The following RNF217 variants were observed in gnomAD, a reference collection of about 807,000 sequenced individuals.
The protein encoded by RNF217 is E3 ubiquitin-protein ligase RNF217.
RNF217 carries 31 observed loss-of-function variants against 57.8 expected under a neutral mutation model. The observed-to-expected ratio is 0.54, with a 90% CI of 0.40 to 0.72. The LOEUF (loss-of-function observed/expected upper bound fraction) is 0.72, where lower values mean the gene tolerates loss of function less well. Ranked by LOEUF, RNF217 falls within the 30% of genes least tolerant of loss-of-function variation. The pLI is 0.00. For synonymous variants in RNF217, 313 were observed against 294.0 expected (o/e 1.06, Z -0.66); for missense variants, 696 against 708.3 (o/e 0.98, Z 0.20).
chr6:125,037,204 A>G (rs1253391751), intron 1 of RNF217, among the ~76,000 whole-genome samples: 1 of 152,022 alleles, frequency 6.6e-6, no homozygotes, highest in Admixed American at 6.6e-5. Context: ...TGTAATTCCT[A>G]TAGCTCTATG....
Position 124,962,629 on chromosome 6 carries a change from G to C in RNF217, c.85G>C (p.Glu29Gln). Reference protein sequence around the residue: ...TLASGTAGHPEPPRPQGDSAR... With the variant: ...TLASGTAGHPQPPRPQGDSAR... Reference sequence around the variant, plus strand: ...GGCCAGTGGCACTGCGGGCCACCCTGAGCCCCCGAGGCCTCAGGGGGACAG... The same window carrying C: ...GGCCAGTGGCACTGCGGGCCACCCTCAGCCCCCGAGGCCTCAGGGGGACAG... The change falls in exon 1 of 6, where the codon GAG becomes CAG. Residue 29 changes from glutamate (E) to glutamine (Q), a missense_variant. Glu to Gln is a conservative substitution (Grantham distance 29). Around this residue, in one of 2 missense-constraint regions of RNF217, gnomAD observed 465 missense variants for 386.8 expected, o/e 1.20. Transcript: ENST00000521654. The surrounding 1 kb of genome is among the most constrained non-coding windows in gnomAD (Gnocchi z 4.6). The C allele has an allele frequency of 1.5e-6, 2 of 1,322,466 alleles. No homozygotes were observed. The highest frequency in any genetic ancestry group is 1.9e-6 in the Non-Finnish European group (2 of 1,046,958). 81.9% of individuals were successfully genotyped at this position (1,322,466 alleles called of 1,614,324 possible).
At chr6:124,995,737 CA>C in intron 1 of RNF217, among the ~76,000 whole-genome samples, 1 of 152,088 alleles carries the variant, frequency 6.6e-6, no homozygotes, top group Non-Finnish European at 1.5e-5. Flanking sequence ...GCCTGACCAA[CA>C]TGGCAAAACC....
rs139232420 is a variant in RNF217 at position 125,030,075 on chromosome 6, A to G, written c.883-15136A>G. ...ACATGGCAGCAGCAAGAGAAAATGA[A>G]GAAGAAGCAAAAGCAGAAACCCCTG... On this transcript the variant is annotated intron_variant, in intron 1 of 5. Transcript: ENST00000521654. 1.4e-3 allele frequency among the ~76,000 whole-genome samples: 216 copies of G among 152,278 alleles called. 1 individual carries two copies. The highest frequency in any genetic ancestry group is 4.6e-3 in the African/African-American group (192 of 41,554).
chr6:125,047,595 AT>A (rs1159965000), intron 2 of RNF217, among the ~76,000 whole-genome samples: 1 of 152,104 alleles, frequency 6.6e-6, no homozygotes, highest in Admixed American at 6.6e-5. Flanking sequence ...AACTCAATTG[AT>A]TCCTTTTGAT....
chr6:124,997,523 C>A (rs1395129772), intron 1 of RNF217, among the ~76,000 whole-genome samples: 1 of 152,172 alleles, frequency 6.6e-6, no homozygotes, highest in Non-Finnish European at 1.5e-5. Flanking sequence ...TCACTCATAG[C>A]TGTAGTAATG....
At chr6:125,069,021 G>A (rs1186055379) in intron 3 of RNF217, among the ~76,000 whole-genome samples, 2 of 152,124 alleles carry the variant, frequency 1.3e-5, no homozygotes, top group Admixed American at 6.6e-5. Context: ...ATCAAGGGAA[G>A]TGGTGTGGTA....
intron 5 of RNF217, 119 bp from the exon 6 acceptor site, chr6:125,082,745 C>G: frequency 8.8e-7 from 1 of 1,139,410 alleles, no homozygotes; most frequent in Non-Finnish European, 1.3e-6. Context: ...CATTTCATAG[C>G]ATAGATGTCT....
chr6:125,052,339 T>TGTTTTGTTTG (rs1787358633), intron 2 of RNF217, among the ~76,000 whole-genome samples: 1 of 151,414 alleles, frequency 6.6e-6, no homozygotes, highest in African/African-American at 2.4e-5. Flanking sequence ...TGTTTTGTTT[T>TGTTTTGTTTG]GTTTTGTTTT....
Position 125,048,323 on chromosome 6 carries a change from C to T in RNF217, c.1116+2879C>T, listed in dbSNP as rs1419175373. 3 of 1,247,722 alleles carry T rather than the reference C, an allele frequency of 2.4e-6. No homozygotes were observed. The East Asian group carries it at 1.7e-4, about 70-fold the overall frequency. The allele number at this position is 1,247,722 out of a possible 1,614,324, so 77.3% of individuals were successfully genotyped here. Reference sequence around the variant, plus strand: ...GTTTCCCTAATAAAATAAGGTAGTTCCAAATTGGTGTCATTTATGGTAACT... The same window carrying T: ...GTTTCCCTAATAAAATAAGGTAGTTTCAAATTGGTGTCATTTATGGTAACT... On this transcript the variant is annotated intron_variant, in intron 2 of 5. Transcript: ENST00000521654.
At chr6:124,973,954 G>A (rs1019903400) in intron 1 of RNF217, among the ~76,000 whole-genome samples, 4 of 152,250 alleles carry the variant, frequency 2.6e-5, no homozygotes, top group African/African-American at 7.2e-5. Flanking sequence ...TTGGCTGGCA[G>A]CTGATGCCGG....
intron 1 of RNF217, among the ~76,000 whole-genome samples, chr6:125,038,038 T>A (rs1389720652): frequency 6.6e-6 from 1 of 152,196 alleles, no homozygotes; most frequent in Non-Finnish European, 1.5e-5. Context: ...CTTCATCACC[T>A]GAGTCATTAA....
intron 1 of RNF217, among the ~76,000 whole-genome samples, chr6:125,041,108 G>A (rs1469259285): frequency 6.6e-6 from 1 of 151,930 alleles, no homozygotes; most frequent in East Asian, 1.9e-4. Flanking sequence ...GAGCAGTGAA[G>A]CAATGCATTT....
intron 1 of RNF217, among the ~76,000 whole-genome samples, chr6:125,024,608 C>T (rs547026153): frequency 6.6e-6 from 1 of 151,390 alleles, no homozygotes. Flanking sequence ...ATCCCAGCTA[C>T]TCGGGAGGCT....
intron 1 of RNF217, among the ~76,000 whole-genome samples, chr6:125,032,581 A>G (rs1786408205): frequency 1.3e-5 from 2 of 152,100 alleles, no homozygotes; most frequent in African/African-American, 2.4e-5. Context: ...CAAAATATGT[A>G]TATTTGTATT....
At chr6:125,047,065 G>C (rs893415117) in intron 2 of RNF217, among the ~76,000 whole-genome samples, 1 of 151,824 alleles carries the variant, frequency 6.6e-6, no homozygotes, top group African/African-American at 2.4e-5. Flanking sequence ...TATTTTCATT[G>C]CAATTGTATG....
At chr6:125,028,813 A>G (rs1308676449) in intron 1 of RNF217, among the ~76,000 whole-genome samples, 4 of 151,842 alleles carry the variant, frequency 2.6e-5, no homozygotes, top group Non-Finnish European at 4.4e-5. Flanking sequence ...AATTACTGTG[A>G]TGTGTTCCAC....
At chr6:125,026,784 T>C (rs973284333) in intron 1 of RNF217, among the ~76,000 whole-genome samples, 1 of 152,138 alleles carries the variant, frequency 6.6e-6, no homozygotes, top group African/African-American at 2.4e-5. Flanking sequence ...GGAAGACAAG[T>C]GGGGTGTGAA....
At chr6:125,037,188 C>A (rs2114498854) in intron 1 of RNF217, among the ~76,000 whole-genome samples, 1 of 151,960 alleles carries the variant, frequency 6.6e-6, no homozygotes. Flanking sequence ...GCCACTGTCA[C>A]ACTAATGTAA....
At chr6:125,047,184 T>G (rs1237958142) in intron 2 of RNF217, among the ~76,000 whole-genome samples, 1 of 152,096 alleles carries the variant, frequency 6.6e-6, no homozygotes, top group African/African-American at 2.4e-5. Context: ...ACATAGAAAC[T>G]GAGACTATAC....
Sources: allele counts gnomAD v4.1 joint callset (sites outside exome capture counted in the v4.1 genomes callset), GRCh38; gene constraint gnomAD v4.1.1; regional missense constraint gnomAD v4.1.1; non-coding constraint Gnocchi (gnomAD v3.1); transcripts MANE v1.5; gene names NCBI Gene and HGNC (gene_info 2026-07-23, HGNC 2026-07-21).